SLC12A8: variants seen among roughly 807,000 people sequenced by gnomAD.
SLC12A8 encodes cation-chloride cotransporter 9.
SLC12A8 carries 69 observed loss-of-function variants against 75.6 expected under a neutral mutation model. That is an observed-to-expected ratio of 0.91 (90% CI 0.75 to 1.11). SLC12A8 has a LOEUF of 1.11. Among genes scored for constraint, SLC12A8 ranks in the 50% most tolerant of loss-of-function variants. The pLI is 0.00. For missense variants in SLC12A8, 877 were observed against 896.7 expected (o/e 0.98, Z 0.28); for synonymous variants, 365 against 372.8 (o/e 0.98, Z 0.24).
intron 4 of SLC12A8, among the ~76,000 whole-genome samples, chr3:125,183,965 TTTATTA>T (rs59595900): frequency 1.1e-4 from 17 of 150,660 alleles, no homozygotes; most frequent in African/African-American, 4.2e-4. Flanking sequence ...TGTTTTACTT[TTTATTA>T]TTATTATTAT....
At chr3:125,103,484 A>G (rs1490974268) in intron 10 of SLC12A8, among the ~76,000 whole-genome samples, 9 of 148,690 alleles carry the variant, frequency 6.1e-5, no homozygotes, top group Admixed American at 6.0e-4. Context: ...AAAAAAAGAG[A>G]GACAGAGGCT....
intron 2 of SLC12A8, among the ~76,000 whole-genome samples, chr3:125,192,243 C>T (rs112775858): frequency 0.021 from 3,248 of 152,120 alleles, 125 homozygotes; most frequent in African/African-American, 0.074. Flanking sequence ...CTGCTCCTCA[C>T]GGCAGCCCCG....
At chr3:125,115,874 G>A (rs1341709425) in intron 8 of SLC12A8, among the ~76,000 whole-genome samples, 3 of 152,168 alleles carry the variant, frequency 2.0e-5, no homozygotes, top group Non-Finnish European at 4.4e-5. Flanking sequence ...TCAGAGATGC[G>A]CCGGCTCAGA....
At chr3:125,128,674 C>G (rs998286946) in intron 6 of SLC12A8, among the ~76,000 whole-genome samples, 71 of 152,252 alleles carry the variant, frequency 4.7e-4, no homozygotes, top group African/African-American at 1.6e-3. Flanking sequence ...CTGTTTCTGC[C>G]CATAAGTCCA....
chr3:125,162,813 G>A (rs1462265869), intron 5 of SLC12A8, among the ~76,000 whole-genome samples: 1 of 152,150 alleles, frequency 6.6e-6, no homozygotes, highest in East Asian at 1.9e-4. Flanking sequence ...AGAGGAATGA[G>A]GGCAGTAAGA....
intron 5 of SLC12A8, among the ~76,000 whole-genome samples, chr3:125,167,688 G>T (rs1043789624): frequency 1.3e-5 from 2 of 152,214 alleles, no homozygotes; most frequent in African/African-American, 4.8e-5. Flanking sequence ...GGGGATCCTG[G>T]ATTTCAGACC....
At position 125,088,318 on chromosome 3, in the gene SLC12A8, G is replaced by A. The variant is rs757361437; in HGVS notation, c.1974C>T (p.Pro658=). 14 of 1,614,154 alleles carry A rather than the reference G, an allele frequency of 8.7e-6. No individual in the cohort carries two copies. Among genetic ancestry groups the A allele is most frequent in the Non-Finnish European group, 1.2e-5 (14 of 1,180,008 alleles). ...TCCAAATTGGCACAGACCTGCAGGA[G>A]GGGAGCAAGAGAGACCTCATCCACC... The part of the protein sequence containing the change: ...FFRWMRSLLL[P]SCRSLRSPQE... The change falls in exon 13 of 14, where the codon CCC becomes CCT. Residue 658 remains proline (P), a synonymous_variant. Transcript: ENST00000469902.
intron 2 of SLC12A8, among the ~76,000 whole-genome samples, chr3:125,201,231 C>T (rs1400209699): frequency 6.6e-6 from 1 of 151,952 alleles, no homozygotes; most frequent in Non-Finnish European, 1.5e-5. Flanking sequence ...TAGTGAGACC[C>T]CATCTCTACA....
Position 125,120,768 on chromosome 3 carries a change from C to T in SLC12A8, c.737-82G>A, listed in dbSNP as rs534574930. 3.0e-5 allele frequency: 31 copies of T among 1,025,774 alleles called. No homozygotes were observed. The East Asian group carries it at 4.8e-4, about 16-fold the overall frequency. 63.5% of individuals were successfully genotyped at this position (1,025,774 alleles called of 1,614,324 possible). The stretch of plus-strand genomic sequence containing the variant: ...CCCAGGGCTGCCCCTTCCTCTCCTG[C>T]GGGACCCTCTCCTGGAAGCTGTCCC... On this transcript the variant is annotated intron_variant, in intron 6 of 13. Coordinates refer to ENST00000469902, the MANE Select transcript of SLC12A8 (RefSeq NM_024628.6).
At chr3:125,153,815 G>A (rs1277955498) in intron 5 of SLC12A8, among the ~76,000 whole-genome samples, 1 of 152,136 alleles carries the variant, frequency 6.6e-6, no homozygotes, top group South Asian at 2.1e-4. Flanking sequence ...AGACAATGTG[G>A]GGCGGATGAC....
At chr3:125,126,131 C>T (rs1933200863) in intron 6 of SLC12A8, among the ~76,000 whole-genome samples, 1 of 152,194 alleles carries the variant, frequency 6.6e-6, no homozygotes, top group South Asian at 2.1e-4. Context: ...ATGGGGAAAG[C>T]CTTCTGGCTT....
At chr3:125,116,935 G>T (rs591803) in intron 8 of SLC12A8, among the ~76,000 whole-genome samples, 3 of 152,042 alleles carry the variant, frequency 2.0e-5, no homozygotes, top group Non-Finnish European at 4.4e-5. Context: ...AACTTCAGAC[G>T]GAAGCATGCA....
chr3:125,202,900 C>T (rs1421344757), intron 2 of SLC12A8, among the ~76,000 whole-genome samples: 1 of 151,820 alleles, frequency 6.6e-6, no homozygotes, highest in Non-Finnish European at 1.5e-5. Context: ...CCAGCCTGCC[C>T]AACATGGTGA....
At position 125,210,001 on chromosome 3, in the gene SLC12A8, C is replaced by G. The variant is rs185911508; in HGVS notation, c.51+1298G>C. Among the ~76,000 whole-genome samples, 4 of 152,204 alleles carry G rather than the reference C, an allele frequency of 2.6e-5. No individual in the cohort carries two copies. In the East Asian group the frequency reaches 7.7e-4, roughly 29 times the overall value. On this transcript the variant is annotated intron_variant, in intron 2 of 13. Transcript: ENST00000469902. ...GGATGGATTTCTAAATCATGAACAC[C>G]AAAGGCCTTAAAATTGGGCATTGGG...
intron 5 of SLC12A8, among the ~76,000 whole-genome samples, chr3:125,177,246 G>A (rs1288387900): frequency 6.7e-6 from 1 of 148,830 alleles, no homozygotes; most frequent in Non-Finnish European, 1.5e-5. Context: ...AACACCGCAT[G>A]TTCTCACTCA....
intron 4 of SLC12A8, among the ~76,000 whole-genome samples, chr3:125,185,554 A>G (rs1449505532): frequency 1.3e-5 from 2 of 152,164 alleles, no homozygotes; most frequent in African/African-American, 4.8e-5. Flanking sequence ...AAGAATTAAC[A>G]CCAACCCTTC....
chr3:125,106,539 G>T (rs1281950924), intron 10 of SLC12A8, among the ~76,000 whole-genome samples: 1 of 152,152 alleles, frequency 6.6e-6, no homozygotes, highest in Non-Finnish European at 1.5e-5. Flanking sequence ...GAGTAGCTGG[G>T]ATTACAGGCA....
intron 10 of SLC12A8, among the ~76,000 whole-genome samples, chr3:125,100,832 T>A (rs1938854333): frequency 6.8e-6 from 1 of 147,084 alleles, no homozygotes; most frequent in Non-Finnish European, 1.5e-5. Flanking sequence ...GCTAACAAGG[T>A]GAAACCCCGT....
intron 2 of SLC12A8, among the ~76,000 whole-genome samples, chr3:125,194,322 C>A (rs1934965011): frequency 6.6e-6 from 1 of 152,216 alleles, no homozygotes; most frequent in African/African-American, 2.4e-5. Flanking sequence ...TCCCTCTGAG[C>A]CCAGGGGCCT....
Sources: gnomAD v4.1 joint callset for allele counts (sites outside exome capture counted in the v4.1 genomes callset) on GRCh38, gnomAD v4.1.1 for gene constraint, MANE v1.5 for transcripts, NCBI Gene and HGNC (gene_info 2026-07-23, HGNC 2026-07-21) for gene names.